Variants in MAGI2 observed in about 807,000 individuals in gnomAD.
MAGI2 encodes membrane associated guanylate kinase, WW and PDZ domain containing 2.
Under a neutral mutation model 133.3 loss-of-function variants are expected in MAGI2, and 35 were observed. That is an observed-to-expected ratio of 0.26 (90% CI 0.20 to 0.35). The LOEUF (loss-of-function observed/expected upper bound fraction) is 0.35. Ranked by LOEUF, MAGI2 falls within the 10% of genes least tolerant of loss-of-function variation. The pLI is 1.00. For synonymous variants in MAGI2, 729 were observed against 710.6 expected (o/e 1.03, Z -0.41); for missense variants, 1,636 against 1,863.4 (o/e 0.88, Z 2.25).
intron 20 of MAGI2, among the ~76,000 whole-genome samples, chr7:78,118,624 G>A (rs1209844535): frequency 6.6e-6 from 1 of 152,130 alleles, no homozygotes; most frequent in Non-Finnish European, 1.5e-5. Flanking sequence ...ATGCCATCGA[G>A]GAAATGTAAA....
At chr7:78,369,126 A>C in intron 7 of MAGI2, 30 bp downstream of exon 7, 1 of 1,471,844 alleles carries the variant, frequency 6.8e-7, no homozygotes, top group Non-Finnish European at 9.3e-7. Context: ...ACATATTAAT[A>C]ACAAGTTAAT....
At chr7:79,138,575 C>T (rs1025482928) in intron 1 of MAGI2, among the ~76,000 whole-genome samples, 1 of 152,136 alleles carries the variant, frequency 6.6e-6, no homozygotes, top group Non-Finnish European at 1.5e-5. Context: ...GAAGGGAATT[C>T]CCCTAAAATT....
chr7:78,421,062 A>T (rs1220197563), intron 6 of MAGI2, among the ~76,000 whole-genome samples: 1 of 152,196 alleles, frequency 6.6e-6, no homozygotes, highest in Non-Finnish European at 1.5e-5. Flanking sequence ...AACGGACTCA[A>T]GGATGAAATT....
intron 1 of MAGI2, among the ~76,000 whole-genome samples, chr7:79,247,615 ATACTACTAC>A (rs147074717): frequency 6.6e-6 from 1 of 151,834 alleles, no homozygotes; most frequent in African/African-American, 2.4e-5. Context: ...ACTGTCTGAA[ATACTACTAC>A]TACTACTACT....
chr7:79,039,731 G>A (rs536388562), intron 1 of MAGI2, among the ~76,000 whole-genome samples: 11 of 151,146 alleles, frequency 7.3e-5, no homozygotes, highest in African/African-American at 1.2e-4. Context: ...TCTGTAATCC[G>A]AGCACTTTGG....
intron 2 of MAGI2, among the ~76,000 whole-genome samples, chr7:78,674,904 T>G (rs773410367): frequency 6.6e-6 from 1 of 152,134 alleles, no homozygotes; most frequent in African/African-American, 2.4e-5. Context: ...GATTTGGCAT[T>G]CCTGAAATAT....
chr7:78,805,649 G>A (rs1207887), intron 2 of MAGI2, among the ~76,000 whole-genome samples: 69,223 of 151,938 alleles, frequency 0.46, 16,549 homozygotes, highest in South Asian at 0.56. Context: ...TAAACCAAAA[G>A]GATACCGTGG....
chr7:79,230,700 T>C (rs1047385613), intron 1 of MAGI2, among the ~76,000 whole-genome samples: 2 of 152,056 alleles, frequency 1.3e-5, no homozygotes, highest in Non-Finnish European at 2.9e-5. Context: ...TAGCCCTTTG[T>C]CAGATGAGTA....
chr7:79,213,216 A>G (rs373917724), intron 1 of MAGI2, among the ~76,000 whole-genome samples: 2 of 34,298 alleles, frequency 5.8e-5, no homozygotes, highest in African/African-American at 7.4e-5. Flanking sequence ...ATTTTTCTGT[A>G]TATATATATG....
chr7:79,041,404 T>C (rs996605657), intron 1 of MAGI2, among the ~76,000 whole-genome samples: 3 of 152,194 alleles, frequency 2.0e-5, no homozygotes, highest in Admixed American at 6.5e-5. Flanking sequence ...CAAGCTCTAA[T>C]TATCTTTAAT....
intron 1 of MAGI2, among the ~76,000 whole-genome samples, chr7:79,396,063 G>C (rs891740282): frequency 6.6e-6 from 1 of 152,010 alleles, no homozygotes. Flanking sequence ...GAATCATTTA[G>C]CTATGTTATC....
intron 2 of MAGI2, among the ~76,000 whole-genome samples, chr7:79,004,179 T>C (rs576820124): frequency 1.3e-5 from 2 of 152,270 alleles, no homozygotes; most frequent in East Asian, 3.9e-4. Flanking sequence ...CAGCACTATT[T>C]ACAATAGCAA....
At chr7:79,011,399 C>A (rs1334588975) in intron 1 of MAGI2, among the ~76,000 whole-genome samples, 2 of 152,134 alleles carry the variant, frequency 1.3e-5, no homozygotes, top group African/African-American at 4.8e-5. Context: ...AAATGCCACT[C>A]TTTCAAAATT....
At chr7:78,486,628 G>A (rs2150479480) in intron 6 of MAGI2, 1 of 311,364 alleles carries the variant, frequency 3.2e-6, no homozygotes, top group Non-Finnish European at 6.5e-6. Flanking sequence ...AGTGATTGAA[G>A]GAGGAATATC....
chr7:78,051,478 G>T (rs1291986141), intron 21 of MAGI2, among the ~76,000 whole-genome samples: 2 of 152,208 alleles, frequency 1.3e-5, no homozygotes, highest in African/African-American at 4.8e-5. Context: ...ATTTTGAAGG[G>T]AGTCTTCTTG....
chr7:78,459,481 A>C (rs2151505229), intron 6 of MAGI2, among the ~76,000 whole-genome samples: 1 of 152,358 alleles, frequency 6.6e-6, no homozygotes, highest in Non-Finnish European at 1.5e-5. Context: ...TCTTAAGAGC[A>C]AAGGTATTTT....
At chr7:79,262,389 T>C (rs2129556511) in intron 1 of MAGI2, among the ~76,000 whole-genome samples, 1 of 152,298 alleles carries the variant, frequency 6.6e-6, no homozygotes, top group Admixed American at 6.5e-5. Flanking sequence ...TTCTTTGAAT[T>C]TATGCTTAAA....
intron 2 of MAGI2, among the ~76,000 whole-genome samples, chr7:78,649,890 AT>A (rs1407261152): frequency 6.6e-6 from 1 of 152,138 alleles, no homozygotes; most frequent in Admixed American, 6.6e-5. Context: ...ATGAGAAAAT[AT>A]TTTTAAATGC....
Position 79,370,397 on chromosome 7 carries a change from T to C in MAGI2, c.301+82623A>G, listed in dbSNP as rs118084950. 3.9e-3 allele frequency among the ~76,000 whole-genome samples: 590 copies of C among 152,070 alleles called. 3 individuals are homozygous for C. Among genetic ancestry groups the C allele is most frequent in the Non-Finnish European group, 6.7e-3 (455 of 67,930 alleles). ...CTCACAGAAATAGAAAAGCCTAACA[T>C]ACTGCTTTGGAAAGCATCTAATTCC... On this transcript the variant is annotated intron_variant, in intron 1 of 21. Coordinates refer to ENST00000354212, the MANE Select transcript of MAGI2 (RefSeq NM_012301.4).
Sources: gnomAD v4.1 joint callset for allele counts (sites outside exome capture counted in the v4.1 genomes callset) on GRCh38, gnomAD v4.1.1 for gene constraint, MANE v1.5 for transcripts, NCBI Gene and HGNC (gene_info 2026-07-23, HGNC 2026-07-21) for gene names.